Variants in KDM2A observed in about 807,000 individuals in gnomAD.
KDM2A encodes the protein lysine demethylase 2A.
In KDM2A, 3 loss-of-function variants were observed where a neutral mutation model predicts 137.3. The observed-to-expected ratio is 0.02, with a 90% CI of 0.01 to 0.06. The LOEUF (loss-of-function observed/expected upper bound fraction) is 0.06, where lower values mean the gene tolerates loss of function less well. Among genes scored for constraint, KDM2A ranks in the 10% least tolerant of loss-of-function variants. The pLI, the probability that KDM2A is intolerant of heterozygous loss-of-function variation, is 1.00. For synonymous variants in KDM2A, 512 were observed against 541.5 expected, an observed-to-expected ratio of 0.95 and a Z score of 0.76; for missense variants, 738 against 1,510.6, an observed-to-expected ratio of 0.49 and a Z score of 8.48.
intron 15 of KDM2A, among the ~76,000 whole-genome samples, chr11:67,247,642 CTTG>C (rs1257245485): frequency 6.6e-6 from 1 of 151,910 alleles, no homozygotes; most frequent in Non-Finnish European, 1.5e-5. Flanking sequence ...CCAGGTTGGT[CTTG>C]AACTCCTGGC....
chr11:67,160,338 A>G (rs1856607732), intron 2 of KDM2A, among the ~76,000 whole-genome samples: 1 of 152,118 alleles, frequency 6.6e-6, no homozygotes, highest in Admixed American at 6.6e-5. Flanking sequence ...CGGTTTAGGA[A>G]GAGATTATAG....
chr11:67,229,116 C>T (rs111994192), intron 11 of KDM2A, among the ~76,000 whole-genome samples: 39 of 152,268 alleles, frequency 2.6e-4, no homozygotes, highest in Middle Eastern at 6.8e-3. Flanking sequence ...ATTCTAGGCA[C>T]TATACTAAGC....
In KDM2A at chr11:67,181,317, C is replaced by T; in HGVS notation, c.182-3C>T. 6.3e-7 allele frequency: 1 copy of T among 1,593,994 alleles called. No individual in the cohort carries two copies. Among genetic ancestry groups the T allele is most frequent in the Non-Finnish European group, 8.6e-7 (1 of 1,164,732 alleles). ...TCTTTCTAATATTTTCCTATGGTGA[C>T]AGATTTTAATGTAGAGTATATTCAG... is the stretch of plus-strand genomic sequence containing the variant. On this transcript the variant is annotated splice_region_variant and splice_polypyrimidine_tract_variant and intron_variant, in intron 3 of 20. Transcript: ENST00000529006.
chr11:67,209,266 T>C (rs1418834130), intron 6 of KDM2A, among the ~76,000 whole-genome samples: 2 of 151,968 alleles, frequency 1.3e-5, no homozygotes, highest in Admixed American at 6.6e-5. Flanking sequence ...TAATCATGTT[T>C]ATTTGATCAT....
At chr11:67,143,494 A>G (rs2136297314) in intron 2 of KDM2A, 1 of 152,240 alleles carries the variant, frequency 6.6e-6, no homozygotes, top group Admixed American at 6.5e-5. Context: ...CTGTGTAACT[A>G]CTACTCAGTC....
In KDM2A at chr11:67,181,710, A is replaced by G. The variant is rs1590755083; in HGVS notation, c.261-136A>G. 1.0e-5 allele frequency: 7 copies of G among 691,514 alleles called. No homozygotes were observed. The South Asian group carries it at 1.3e-4, about 13-fold the overall frequency. 42.8% of individuals were successfully genotyped at this position (691,514 alleles called of 1,614,324 possible). On this transcript the variant is annotated intron_variant, in intron 4 of 20. Coordinates refer to ENST00000529006, the MANE Select transcript of KDM2A (RefSeq NM_012308.3). ...CATATGTGTAAATATATAATCACCT[A>G]TATTTTTAAAATAATTTCAAACCTG...
chr11:67,230,942 A>G (rs922349386), intron 11 of KDM2A, among the ~76,000 whole-genome samples: 4 of 151,496 alleles, frequency 2.6e-5, no homozygotes, highest in African/African-American at 9.7e-5. Context: ...AAAAAAAAAA[A>G]GTTTTTTGGT....
At chr11:67,247,076 T>TAA (rs1565424329) in intron 15 of KDM2A, among the ~76,000 whole-genome samples, 13 of 70,632 alleles carry the variant, frequency 1.8e-4, no homozygotes, top group Admixed American at 4.4e-4. Context: ...TATATATTTT[T>TAA]TTTTTTTTTT....
At position 67,131,045 on chromosome 11, in the gene KDM2A, C is replaced by T. The variant is rs1235698138; in HGVS notation, c.42+9687C>T. On this transcript the variant is annotated intron_variant, in intron 2 of 20. Coordinates refer to ENST00000529006, the MANE Select transcript of KDM2A (RefSeq NM_012308.3). ...TGTGTACTTTATACAGAAAACAGGC[C>T]GGGTGCAGTGGCTCACGCCTGTAAT... Among the ~76,000 whole-genome samples the T allele has an allele frequency of 5.3e-5, 8 of 152,168 alleles. No individual in the cohort carries two copies. The East Asian group carries it at 5.8e-4, about 11-fold the overall frequency.
At chr11:67,227,478 T>C (rs1858581541) in intron 10 of KDM2A, among the ~76,000 whole-genome samples, 1 of 152,182 alleles carries the variant, frequency 6.6e-6, no homozygotes, top group Non-Finnish European at 1.5e-5. Context: ...CATTTTACTC[T>C]GTCCCAGAAC....
Position 67,158,749 on chromosome 11 carries a change from A to G in KDM2A, c.43-21330A>G, listed in dbSNP as rs370151839. Among the ~76,000 whole-genome samples, 17 of 152,124 alleles carry G rather than the reference A, an allele frequency of 1.1e-4. No homozygotes were observed. In the East Asian group the frequency reaches 1.7e-3, roughly 15 times the overall value. On this transcript the variant is annotated intron_variant, in intron 2 of 20. Transcript: ENST00000529006. Reference sequence around the variant, plus strand: ...AGTGATCCTTCTACCTTACATGCCCAAAGTGCTCGTATTATAGGCGTGAAC... The same window carrying G: ...AGTGATCCTTCTACCTTACATGCCCGAAGTGCTCGTATTATAGGCGTGAAC...
At chr11:67,201,207 T>A (rs12293868) in intron 5 of KDM2A, among the ~76,000 whole-genome samples, 2,001 of 40,280 alleles carry the variant, frequency 0.05, 24 homozygotes, top group East Asian at 0.12. Flanking sequence ...AAAAAAAATA[T>A]ATATATATAT....
intron 5 of KDM2A, 81 bp downstream of exon 5, chr11:67,181,973 A>G (rs1857100630): frequency 8.6e-7 from 1 of 1,167,210 alleles, no homozygotes; most frequent in Non-Finnish European, 1.3e-6. Context: ...ACTGAGATTT[A>G]AGGCCTAGGA....
chr11:67,188,375 G>A (rs1253569042), intron 5 of KDM2A, among the ~76,000 whole-genome samples: 3 of 151,806 alleles, frequency 2.0e-5, no homozygotes, highest in Non-Finnish European at 4.4e-5. Flanking sequence ...CCAGCGACTC[G>A]GGAGGCTGAG....
At chr11:67,139,508 G>C (rs1856046261) in intron 2 of KDM2A, among the ~76,000 whole-genome samples, 2 of 152,076 alleles carry the variant, frequency 1.3e-5, no homozygotes, top group Non-Finnish European at 2.9e-5. Flanking sequence ...GCCCCCCAAA[G>C]TGCTAGGATT....
chr11:67,144,181 G>A (rs185665522), intron 2 of KDM2A, among the ~76,000 whole-genome samples: 14 of 151,610 alleles, frequency 9.2e-5, no homozygotes, highest in Admixed American at 7.9e-4. Flanking sequence ...CTGATGTCAC[G>A]TGATCTGCCT....
At chr11:67,125,130 G>C (rs1347369034) in intron 2 of KDM2A, among the ~76,000 whole-genome samples, 1 of 151,512 alleles carries the variant, frequency 6.6e-6, no homozygotes, top group Non-Finnish European at 1.5e-5. Flanking sequence ...CAAAGTGCTG[G>C]GATTACAGGC....
At chr11:67,141,902 T>G (rs1358650284) in intron 2 of KDM2A, among the ~76,000 whole-genome samples, 1 of 151,882 alleles carries the variant, frequency 6.6e-6, no homozygotes, top group Non-Finnish European at 1.5e-5. Context: ...TTCTTTAATA[T>G]TTGAGTGAGA....
rs1259522910 is a variant in KDM2A at position 67,207,416 on chromosome 11, C to T, written c.308-94C>T. On this transcript the variant is annotated intron_variant, in intron 5 of 20. Transcript: ENST00000529006. ...GTGTATTATTGAAAATAAGAAAGGA[C>T]AGTATTTTTTCTTCTACTTTTTAAA... 3.3e-6 allele frequency: 3 copies of T among 906,200 alleles called. No homozygotes were observed. The African/African-American group carries it at 5.1e-5, about 15-fold the overall frequency. 56.1% of individuals were successfully genotyped at this position (906,200 alleles called of 1,614,324 possible).
Sources: gnomAD v4.1 joint callset for allele counts (sites outside exome capture counted in the v4.1 genomes callset) on GRCh38, gnomAD v4.1.1 for gene constraint, MANE v1.5 for transcripts, NCBI Gene and HGNC (gene_info 2026-07-23, HGNC 2026-07-21) for gene names.